GRIK1: variants seen among roughly 807,000 people sequenced by gnomAD.
GRIK1 encodes the protein glutamate ionotropic receptor kainate type subunit 1, also known as glutamate receptor ionotropic, kainate 1.
GRIK1 carries 69 observed loss-of-function variants against 105.7 expected under a neutral mutation model. The ratio of observed to expected loss-of-function variants is 0.65; its 90% CI spans 0.54 to 0.80. The LOEUF (loss-of-function observed/expected upper bound fraction) is 0.80. Among genes scored for constraint, GRIK1 ranks in the 30% least tolerant of loss-of-function variants. GRIK1 has a pLI of 0.00. For missense variants in GRIK1, 1,109 were observed against 1,167.3 expected (o/e 0.95, Z 0.73); for synonymous variants, 438 against 431.3 (o/e 1.02, Z -0.19).
chr21:29,620,814 T>TAGATAGATAG (rs1568897734), intron 7 of GRIK1, among the ~76,000 whole-genome samples: 6 of 106,426 alleles, frequency 5.6e-5, no homozygotes, highest in South Asian at 6.0e-4. Context: ...TAGATATATA[T>TAGATAGATAG]ATATAGTAAT....
At chr21:29,912,322 C>T (rs145919149) in intron 1 of GRIK1, among the ~76,000 whole-genome samples, 6 of 152,158 alleles carry the variant, frequency 3.9e-5, no homozygotes, top group African/African-American at 1.4e-4. Flanking sequence ...CGCTAGATAA[C>T]CTCCCCTCTG....
rs2300331 is a variant in GRIK1, at chr21:29,881,628, A to G, written c.118+57755T>C. On this transcript the variant is annotated intron_variant, in intron 1 of 17. Coordinates refer to ENST00000327783, the MANE Select transcript of GRIK1 (RefSeq NM_001330994.2). ...AACCAATGTCTAAAGTGGTTAAGGC[A>G]TGAGTAGAAGGTTGACTGGTTAATA... Among the ~76,000 whole-genome samples, 10 of 152,252 alleles carry G rather than the reference A, an allele frequency of 6.6e-5. No homozygotes were observed. In the East Asian group the frequency reaches 1.9e-3, roughly 29 times the overall value.
chr21:29,802,155 C>G (rs2066728881), intron 1 of GRIK1, among the ~76,000 whole-genome samples: 1 of 152,186 alleles, frequency 6.6e-6, no homozygotes, highest in African/African-American at 2.4e-5. Context: ...CTAGAAAGAT[C>G]TGAATTCTCA....
intron 1 of GRIK1, among the ~76,000 whole-genome samples, chr21:29,747,586 T>G (rs1363630380): frequency 6.6e-6 from 1 of 152,126 alleles, no homozygotes; most frequent in Non-Finnish European, 1.5e-5. Context: ...ATCCCAGCAC[T>G]TTGGTAGGCT....
chr21:29,737,990 T>C (rs2064836149), intron 1 of GRIK1, among the ~76,000 whole-genome samples: 1 of 152,226 alleles, frequency 6.6e-6, no homozygotes, highest in Non-Finnish European at 1.5e-5. Context: ...ACTCCATTTA[T>C]TTGATTATAG....
chr21:29,756,354 C>A (rs1332737063), intron 1 of GRIK1, among the ~76,000 whole-genome samples: 1 of 152,098 alleles, frequency 6.6e-6, no homozygotes, highest in Non-Finnish European at 1.5e-5. Context: ...GCACTCCAGC[C>A]TGGGCAACAG....
rs1179621274 is a variant in GRIK1, at chr21:29,735,557, A to T, written c.119-41494T>A. ...TGGGGACACATGGATATGACTAAGT[A>T]ACCATATCATACTTGTATGCAGGGT... On this transcript the variant is annotated intron_variant, in intron 1 of 17. Transcript: ENST00000327783. 2.6e-5 allele frequency among the ~76,000 whole-genome samples: 4 copies of T among 152,158 alleles called. No homozygotes were observed. In the East Asian group the frequency reaches 7.7e-4, roughly 29 times the overall value.
At chr21:29,772,431 A>G (rs1301467431) in intron 1 of GRIK1, among the ~76,000 whole-genome samples, 1 of 152,210 alleles carries the variant, frequency 6.6e-6, no homozygotes, top group Non-Finnish European at 1.5e-5. Flanking sequence ...ACTTTCCAAT[A>G]CACTAGTGTA....
At chr21:29,790,015 G>A (rs974472871) in intron 1 of GRIK1, among the ~76,000 whole-genome samples, 4 of 152,296 alleles carry the variant, frequency 2.6e-5, no homozygotes, top group East Asian at 1.9e-4. Context: ...TGAGTGACAT[G>A]TTCACGTAAG....
intron 1 of GRIK1, among the ~76,000 whole-genome samples, chr21:29,924,341 A>G (rs1019207473): frequency 6.6e-6 from 1 of 151,506 alleles, no homozygotes; most frequent in African/African-American, 2.4e-5. Flanking sequence ...GCTCAAAAAA[A>G]AAAAAAAGAA....
At chr21:29,820,345 G>A (rs2067267850) in intron 1 of GRIK1, among the ~76,000 whole-genome samples, 1 of 151,984 alleles carries the variant, frequency 6.6e-6, no homozygotes, top group South Asian at 2.1e-4. Context: ...TCATTTCTCA[G>A]TATTTATCTT....
At chr21:29,555,452 T>A in intron 15 of GRIK1, 150 bp from the exon 16 acceptor site, 1 of 691,284 alleles carries the variant, frequency 1.4e-6, no homozygotes, top group Non-Finnish European at 2.4e-6. Flanking sequence ...GAAAGTTCAC[T>A]CCTATATTTT....
At chr21:29,914,185 C>G (rs1264688576) in intron 1 of GRIK1, among the ~76,000 whole-genome samples, 2 of 151,952 alleles carry the variant, frequency 1.3e-5, no homozygotes, top group African/African-American at 4.8e-5. Flanking sequence ...ATAAAAAATG[C>G]CACCACACAT....
At chr21:29,784,001 T>C (rs1166549382) in intron 1 of GRIK1, among the ~76,000 whole-genome samples, 2 of 152,140 alleles carry the variant, frequency 1.3e-5, no homozygotes, top group Non-Finnish European at 2.9e-5. Flanking sequence ...GGCGTGACCT[T>C]GGCTCACTGC....
At chr21:29,835,164 T>C (rs2067754888) in intron 1 of GRIK1, among the ~76,000 whole-genome samples, 1 of 152,210 alleles carries the variant, frequency 6.6e-6, no homozygotes, top group Non-Finnish European at 1.5e-5. Context: ...ACAGTGTTTG[T>C]ATTTTGTGTA....
intron 4 of GRIK1, among the ~76,000 whole-genome samples, chr21:29,656,723 T>C (rs1439609003): frequency 3.3e-5 from 5 of 152,200 alleles, no homozygotes; most frequent in Admixed American, 3.3e-4. Flanking sequence ...GCCTAAGATA[T>C]GTGAACTAGA....
chr21:29,605,808 C>T (rs183303977), intron 7 of GRIK1, among the ~76,000 whole-genome samples: 12 of 152,226 alleles, frequency 7.9e-5, no homozygotes, highest in African/African-American at 2.9e-4. Flanking sequence ...TTGTCCTTTG[C>T]CATACTGAAT....
intron 1 of GRIK1, among the ~76,000 whole-genome samples, chr21:29,837,937 A>G (rs2067857465): frequency 6.6e-6 from 1 of 152,206 alleles, no homozygotes; most frequent in Non-Finnish European, 1.5e-5. Context: ...ACCTTCCAGT[A>G]TTCTAAGTAG....
At chr21:29,936,592 C>T (rs1439289599) in intron 1 of GRIK1, among the ~76,000 whole-genome samples, 2 of 152,204 alleles carry the variant, frequency 1.3e-5, no homozygotes, top group African/African-American at 4.8e-5. Context: ...TGCTGGGAAA[C>T]TTCTTGAGTG....
Sources: gnomAD v4.1 joint callset for allele counts (sites outside exome capture counted in the v4.1 genomes callset) on GRCh38, gnomAD v4.1.1 for gene constraint, MANE v1.5 for transcripts, NCBI Gene and HGNC (gene_info 2026-07-23, HGNC 2026-07-21) for gene names.